Variants in DSTYK observed in about 807,000 individuals in gnomAD.
DSTYK encodes dual serine/threonine and tyrosine protein kinase.
DSTYK carries 34 observed loss-of-function variants against 98.7 expected under a neutral mutation model. The ratio of observed to expected loss-of-function variants is 0.34; its 90% CI spans 0.26 to 0.46. The LOEUF is 0.46. Among genes scored for constraint, DSTYK ranks in the 20% least tolerant of loss-of-function variants. The probability of loss-of-function intolerance (pLI) is 1.00; values close to 1 mark genes in which losing one functional copy is unlikely to be tolerated. For missense variants in DSTYK, 962 were observed against 1,181.7 expected (o/e 0.81, Z 2.73); for synonymous variants, 462 against 457.3 (o/e 1.01, Z -0.13).
Position 205,211,335 on chromosome 1 carries a change from G to C in DSTYK, c.201C>G (p.Leu67=). 2 of 1,611,672 alleles carry C rather than the reference G, an allele frequency of 1.2e-6. No individual in the cohort carries two copies. The highest frequency in any genetic ancestry group is 8.5e-7 in the Non-Finnish European group (1 of 1,179,098). The change falls in exon 1 of 13, where the codon CTC becomes CTG. Residue 67 remains leucine, a synonymous_variant. Coordinates refer to ENST00000367162, the MANE Select transcript of DSTYK (RefSeq NM_015375.3). The stretch of plus-strand genomic sequence containing the variant: ...CGCGCTCGGCCCCGCCGCCGCCCGT[G>C]AGGGAGGAGAGACAAGTGTGGTTGT... ...CSHNHTCLSS[L]TGGGGAERGP...
intron 2 of DSTYK, among the ~76,000 whole-genome samples, chr1:205,182,911 G>A (rs991547520): frequency 2.0e-5 from 3 of 152,074 alleles, no homozygotes; most frequent in Admixed American, 2.0e-4. Context: ...CACCTGGTGG[G>A]GATAAACAGG....
intron 3 of DSTYK, among the ~76,000 whole-genome samples, chr1:205,166,485 A>AT (rs1657895313): frequency 6.6e-6 from 1 of 151,926 alleles, no homozygotes; most frequent in Non-Finnish European, 1.5e-5. Flanking sequence ...AAAAAAAAAA[A>AT]ATCTGGCTCC....
At chr1:205,173,281 C>CACACCTATAATTCCACCTATAATTCCA (rs1199902156) in intron 2 of DSTYK, 1 of 151,080 alleles carries the variant, frequency 6.6e-6, no homozygotes, top group East Asian at 2.0e-4. Context: ...ATAATTCCAG[C>CACACCTATAATTCCACCTATAATTCCA]TACTCAGGAA....
intron 2 of DSTYK, among the ~76,000 whole-genome samples, chr1:205,180,472 T>C (rs1438947811): frequency 2.0e-5 from 3 of 152,108 alleles, no homozygotes; most frequent in Non-Finnish European, 4.4e-5. Context: ...CACAGGATGT[T>C]TTTATTTATT....
At chr1:205,211,151 G>C in intron 1 of DSTYK, 120 bp downstream of exon 1, 1 of 1,395,196 alleles carries the variant, frequency 7.2e-7, no homozygotes, top group Non-Finnish European at 9.4e-7. Flanking sequence ...CCGGCCACAC[G>C]ACACGACTGC....
intron 3 of DSTYK, among the ~76,000 whole-genome samples, chr1:205,167,862 A>T (rs916853886): frequency 1.3e-5 from 2 of 152,246 alleles, no homozygotes; most frequent in African/African-American, 2.4e-5. Flanking sequence ...CACGCCACCC[A>T]GCACTTCGGG....
At position 205,202,307 on chromosome 1, in the gene DSTYK, G is replaced by T. The variant is rs1659067398; in HGVS notation, c.265+8964C>A. ...ACACTTCTCAGGCCATCAAGGGTAT[G>T]CATATACGAAAAGCCACGAAGTATC... On this transcript the variant is annotated intron_variant, in intron 1 of 12. Transcript: ENST00000367162. The T allele has an allele frequency of 4.5e-6, 3 of 673,408 alleles. No homozygotes were observed. The East Asian group carries it at 1.0e-4, about 23-fold the overall frequency. 41.7% of individuals were successfully genotyped at this position (673,408 alleles called of 1,614,324 possible). A position where few individuals can be genotyped will look rare whatever the true frequency, so the allele number is the denominator to read the frequency against.
Position 205,150,626 on chromosome 1 carries a change from C to A in DSTYK, c.2467+54G>T. On this transcript the variant is annotated intron_variant, in intron 11 of 12. Transcript: ENST00000367162. The surrounding 1 kb of genome is among the most constrained non-coding windows in gnomAD (Gnocchi z 4.1). Reference sequence around the variant, plus strand: ...GGAAACGAGCTCAAGGGGTAGCACTCAGGATTAAAGTAGTACGCCCTGCCC... The same window carrying A: ...GGAAACGAGCTCAAGGGGTAGCACTAAGGATTAAAGTAGTACGCCCTGCCC... The A allele has an allele frequency of 7.1e-7, 1 of 1,403,152 alleles. No individual in the cohort carries two copies. Among genetic ancestry groups the A allele is most frequent in the South Asian group, 1.2e-5 (1 of 85,254 alleles). The allele number at this position is 1,403,152 out of a possible 1,614,324, so 86.9% of individuals were successfully genotyped here.
chr1:205,146,650 C>CA lies in DSTYK; in HGVS notation c.*907dup, dbSNP rs1359484762. 1 of 151,696 alleles carries CA rather than the reference C, an allele frequency of 6.6e-6. No homozygotes were observed. The highest frequency in any genetic ancestry group is 6.6e-5 in the Admixed American group (1 of 15,158). The allele number at this position is 151,696 out of a possible 1,614,324, so 9.4% of individuals were successfully genotyped here. A position where few individuals can be genotyped will look rare whatever the true frequency, so the allele number is the denominator to read the frequency against. ...GCAATGGCATGATCTCGGCTCACTGCAACCTCCGCCTCCCAGGTTCAAGCG... is the reference window on the plus strand; with the variant it reads ...GCAATGGCATGATCTCGGCTCACTGCAAACCTCCGCCTCCCAGGTTCAAGCG... On this transcript the variant is annotated 3_prime_UTR_variant, in exon 13 of 13. Coordinates refer to ENST00000367162, the MANE Select transcript of DSTYK (RefSeq NM_015375.3).
intron 1 of DSTYK, among the ~76,000 whole-genome samples, chr1:205,190,634 A>G (rs903075189): frequency 6.6e-6 from 1 of 151,036 alleles, no homozygotes; most frequent in African/African-American, 2.4e-5. Flanking sequence ...AAAAAAAAAA[A>G]AAACCCAAGA....
chr1:205,147,984 C>T (rs976660482), intron 12 of DSTYK, among the ~76,000 whole-genome samples: 4 of 151,760 alleles, frequency 2.6e-5, no homozygotes, highest in Admixed American at 6.6e-5. Context: ...GTTGAAGAAT[C>T]GGACATTTTT....
chr1:205,198,739 A>T (rs1658941925), intron 1 of DSTYK, among the ~76,000 whole-genome samples: 1 of 152,170 alleles, frequency 6.6e-6, no homozygotes, highest in African/African-American at 2.4e-5. Flanking sequence ...AAAAACAAAA[A>T]AACCCTGGGA....
At chr1:205,172,019 G>A (rs1010817155) in intron 2 of DSTYK, among the ~76,000 whole-genome samples, 6 of 152,146 alleles carry the variant, frequency 3.9e-5, no homozygotes, top group Middle Eastern at 3.2e-3. Context: ...GCAATGGCAC[G>A]AGCTCGGCTC....
At chr1:205,173,106 A>G (rs76897400) in intron 2 of DSTYK, 155 of 152,312 alleles carry the variant, frequency 1.0e-3, no homozygotes, top group African/African-American at 3.2e-3. Flanking sequence ...GAAAACAGTT[A>G]CATTAGGCTG....
intron 3 of DSTYK, among the ~76,000 whole-genome samples, chr1:205,166,629 T>C (rs1657899040): frequency 6.6e-6 from 1 of 152,224 alleles, no homozygotes; most frequent in African/African-American, 2.4e-5. Context: ...CCATTCTGTG[T>C]AATATGATGC....
chr1:205,163,223 T>A (rs12732916), intron 4 of DSTYK, among the ~76,000 whole-genome samples: 98 of 101,482 alleles, frequency 9.7e-4, no homozygotes, highest in East Asian at 5.1e-3. Context: ...TTTTTTATTT[T>A]TTTTTTTATT....
chr1:205,195,657 G>A (rs575061507), intron 1 of DSTYK, among the ~76,000 whole-genome samples: 11 of 152,314 alleles, frequency 7.2e-5, no homozygotes, highest in African/African-American at 2.4e-4. Context: ...CGCTGGAATC[G>A]GAAAAGTCAA....
chr1:205,163,250 A>G lies in DSTYK; in HGVS notation c.1558-244T>C, dbSNP rs6684220. 0.92 allele frequency among the ~76,000 whole-genome samples: 139,247 copies of G among 151,856 alleles called. 63,961 individuals are homozygous for G. The highest frequency in any genetic ancestry group is 1 in the East Asian group (5,172 of 5,176). ...TTTTTTATTTTTTAGACAGAGTTTC[A>G]CTCTTGTCCCCCAGGCTGAAGTGCA... On this transcript the variant is annotated intron_variant, in intron 4 of 12. Coordinates refer to ENST00000367162, the MANE Select transcript of DSTYK (RefSeq NM_015375.3).
rs552167824 is a variant in DSTYK at position 205,146,509 on chromosome 1, T to A, written c.*1049A>T. 6.6e-6 allele frequency: 1 copy of A among 151,956 alleles called. No individual in the cohort carries two copies. Among genetic ancestry groups the A allele is most frequent in the Non-Finnish European group, 1.5e-5 (1 of 68,006 alleles). 9.4% of individuals were successfully genotyped at this position (151,956 alleles called of 1,614,324 possible). On this transcript the variant is annotated 3_prime_UTR_variant, in exon 13 of 13. Coordinates refer to ENST00000367162, the MANE Select transcript of DSTYK (RefSeq NM_015375.3). ...AATAACTCCTGTGTGTATGTCTATA[T>A]AGATAGAGATATAGACACACACACA...
Sources: gnomAD v4.1 joint callset for allele counts (sites outside exome capture counted in the v4.1 genomes callset) on GRCh38, gnomAD v4.1.1 for gene constraint, Gnocchi (gnomAD v3.1) non-coding constraint, MANE v1.5 for transcripts, NCBI Gene and HGNC (gene_info 2026-07-23, HGNC 2026-07-21) for gene names.